ZBTB41: variants seen among roughly 807,000 people sequenced by gnomAD.
ZBTB41 encodes zinc finger and BTB domain-containing protein 41.
Under a neutral mutation model 87.6 loss-of-function variants are expected in ZBTB41, and 42 were observed. The observed-to-expected ratio is 0.48, with a 90% CI of 0.37 to 0.62. The LOEUF is 0.62. ZBTB41 is among the 20% of genes least tolerant of loss of function. The pLI is 0.00. For synonymous variants in ZBTB41, 364 were observed against 364.0 expected (o/e 1.00, Z 0.00); for missense variants, 799 against 1,078.9 (o/e 0.74, Z 3.63).
At chr1:197,163,447 T>C (rs765091638) in intron 10 of ZBTB41, among the ~76,000 whole-genome samples, 4 of 151,642 alleles carry the variant, frequency 2.6e-5, no homozygotes, top group Non-Finnish European at 5.9e-5. Flanking sequence ...TTGGAATCTA[T>C]GGGAAAAAAA....
At chr1:197,198,335 C>T (rs12402465) in intron 2 of ZBTB41, among the ~76,000 whole-genome samples, 25,170 of 152,016 alleles carry the variant, frequency 0.17, 2,734 homozygotes, top group Non-Finnish European at 0.24. Flanking sequence ...GTTATGTCAG[C>T]GTATAATGCA....
In ZBTB41 at chr1:197,159,245, G is replaced by T. The variant is rs1659139500; in HGVS notation, c.*114C>A. On this transcript the variant is annotated 3_prime_UTR_variant, in exon 11 of 11. Coordinates refer to ENST00000367405, the MANE Select transcript of ZBTB41 (RefSeq NM_194314.3). ...AGTTTTCTTGATTTGAAACTGTTCTGAGGACTTGAGAAACTAGAGAAAACA... is the reference window on the plus strand; with the variant it reads ...AGTTTTCTTGATTTGAAACTGTTCTTAGGACTTGAGAAACTAGAGAAAACA... The T allele has an allele frequency of 2.0e-6, 2 of 1,012,668 alleles. No homozygotes were observed. Among genetic ancestry groups the T allele is most frequent in the African/African-American group, 1.6e-5 (1 of 61,854 alleles). The allele number at this position is 1,012,668 out of a possible 1,614,324, so 62.7% of individuals were successfully genotyped here.
In ZBTB41 at chr1:197,200,502, C is replaced by A. The variant is rs1652721748; in HGVS notation, c.-29G>T. Reference sequence around the variant, plus strand: ...AGTACAGCAATTTCAGAACAAGAAACTTCATAAGTGTCTTAAGTGATTTAT... The same window carrying A: ...AGTACAGCAATTTCAGAACAAGAAAATTCATAAGTGTCTTAAGTGATTTAT... On this transcript the variant is annotated 5_prime_UTR_variant, in exon 2 of 11. Transcript: ENST00000367405. The A allele has an allele frequency of 6.5e-7, 1 of 1,538,552 alleles. No homozygotes were observed. The highest frequency in any genetic ancestry group is 8.7e-7 in the Non-Finnish European group (1 of 1,149,810).
At chr1:197,190,465 A>G (rs573648961) in intron 4 of ZBTB41, among the ~76,000 whole-genome samples, 9 of 152,346 alleles carry the variant, frequency 5.9e-5, no homozygotes, top group African/African-American at 2.2e-4. Flanking sequence ...AGAAAGTCTA[A>G]CATTTTATAC....
At chr1:197,183,908 CAGTT>C (rs1268212042) in intron 5 of ZBTB41, among the ~76,000 whole-genome samples, 2 of 152,150 alleles carry the variant, frequency 1.3e-5, no homozygotes. Context: ...CCAGCTCTAA[CAGTT>C]AGTAAGGTAA....
intron 2 of ZBTB41, among the ~76,000 whole-genome samples, chr1:197,196,628 C>A (rs1214782934): frequency 6.6e-6 from 1 of 152,184 alleles, no homozygotes; most frequent in African/African-American, 2.4e-5. Flanking sequence ...GTCCCTATCA[C>A]CTACTGAATA....
In ZBTB41 at chr1:197,153,817, A is replaced by G. The variant is rs1271817503; in HGVS notation, c.*5542T>C. ...GACATTTATACTTAGGAAACATCAG[A>G]CAACCAAAGTATGTATAAAACTCAC... On this transcript the variant is annotated 3_prime_UTR_variant, in exon 11 of 11. Transcript: ENST00000367405. 6.6e-6 allele frequency: 1 copy of G among 152,208 alleles called. No homozygotes were observed. The highest frequency in any genetic ancestry group is 1.5e-5 in the Non-Finnish European group (1 of 68,014). The allele number at this position is 152,208 out of a possible 1,614,324, so 9.4% of individuals were successfully genotyped here. A position where few individuals can be genotyped will look rare whatever the true frequency, so the allele number is the denominator to read the frequency against.
At position 197,154,532 on chromosome 1, in the gene ZBTB41, C is replaced by T. The variant is rs184013512; in HGVS notation, c.*4827G>A. 1 of 152,200 alleles carries T rather than the reference C, an allele frequency of 6.6e-6. No individual in the cohort carries two copies. The highest frequency in any genetic ancestry group is 1.9e-4 in the East Asian group (1 of 5,182). The allele number at this position is 152,200 out of a possible 1,614,324, so 9.4% of individuals were successfully genotyped here. On this transcript the variant is annotated 3_prime_UTR_variant, in exon 11 of 11. Coordinates refer to ENST00000367405, the MANE Select transcript of ZBTB41 (RefSeq NM_194314.3). ...CTCTCTACAAAAACCTTCTTTTTCT[C>T]ATCTTCCACACATCTTAATCCTATT... is the stretch of plus-strand genomic sequence containing the variant.
intron 10 of ZBTB41, among the ~76,000 whole-genome samples, chr1:197,170,880 T>TC (rs1436088292): frequency 6.6e-6 from 1 of 152,144 alleles, no homozygotes; most frequent in African/African-American, 2.4e-5. Flanking sequence ...CTATTATTTT[T>TC]CCCTCTCATT....
chr1:197,187,430 C>T (rs1191302665), intron 5 of ZBTB41, among the ~76,000 whole-genome samples: 5 of 152,112 alleles, frequency 3.3e-5, no homozygotes, highest in East Asian at 1.9e-4. Context: ...TGCTCCAGTC[C>T]GTTATCTAAA....
intron 10 of ZBTB41, among the ~76,000 whole-genome samples, chr1:197,164,348 CAA>C (rs1659266127): frequency 1.3e-5 from 2 of 151,522 alleles, no homozygotes; most frequent in Admixed American, 6.6e-5. Flanking sequence ...AAAGTGAAGA[CAA>C]GAGAAAAAAG....
intron 2 of ZBTB41, among the ~76,000 whole-genome samples, chr1:197,193,701 C>T (rs1193841853): frequency 6.6e-6 from 1 of 152,180 alleles, no homozygotes; most frequent in African/African-American, 2.4e-5. Flanking sequence ...ATCCTACCAC[C>T]ACCACCTCCC....
Position 197,199,426 on chromosome 1 carries a change from G to C in ZBTB41, c.1048C>G (p.Pro350Ala), listed in dbSNP as rs199584754. The C allele has an allele frequency of 6.2e-7, 1 of 1,610,148 alleles. No homozygotes were observed. Among genetic ancestry groups the C allele is most frequent in the African/African-American group, 1.3e-5 (1 of 74,624 alleles). ...SVGNVHEGLT[P>A]VVIQNSNKKI... ...TTGTTGCTGTTCTGAATGACCACTG[G>C]AGTTAACCCCTCATGAACATTTCCT... Residue 350 changes from proline (P) to alanine (A), a missense_variant, in exon 2 of 11, where the codon CCA (proline) becomes GCA (alanine). Pro to Ala is a conservative substitution (Grantham distance 27). Coordinates refer to ENST00000367405, the MANE Select transcript of ZBTB41 (RefSeq NM_194314.3).
At position 197,157,506 on chromosome 1, in the gene ZBTB41, T is replaced by A. The variant is rs1382961390; in HGVS notation, c.*1853A>T. On this transcript the variant is annotated 3_prime_UTR_variant, in exon 11 of 11. Transcript: ENST00000367405. ...ATTTTTAAAAGTCAATTTGAAAGAC[T>A]AACAGACTAACAGTACCTCATATAG... 1 of 151,964 alleles carries A rather than the reference T, an allele frequency of 6.6e-6. No individual in the cohort carries two copies. The allele number at this position is 151,964 out of a possible 1,614,324, so 9.4% of individuals were successfully genotyped here. A position where few individuals can be genotyped will look rare whatever the true frequency, so the allele number is the denominator to read the frequency against.
intron 10 of ZBTB41, among the ~76,000 whole-genome samples, chr1:197,171,747 A>C (rs1173249099): frequency 6.6e-6 from 1 of 151,998 alleles, no homozygotes; most frequent in Non-Finnish European, 1.5e-5. Flanking sequence ...CAAACAAGAC[A>C]ATGAGGTCAT....
intron 6 of ZBTB41, among the ~76,000 whole-genome samples, chr1:197,178,799 C>T (rs1333649816): frequency 1.3e-5 from 2 of 152,088 alleles, no homozygotes; most frequent in Non-Finnish European, 2.9e-5. Context: ...TTTTAAAATG[C>T]TCATTATGAC....
chr1:197,178,600 G>T, intron 6 of ZBTB41, 88 bp from the exon 7 acceptor site: 1 of 838,072 alleles, frequency 1.2e-6, no homozygotes. Flanking sequence ...AGGTATTCAA[G>T]CTAACTGATA....
At chr1:197,165,354 A>G (rs552701541) in intron 10 of ZBTB41, among the ~76,000 whole-genome samples, 2 of 152,252 alleles carry the variant, frequency 1.3e-5, no homozygotes, top group African/African-American at 4.8e-5. Flanking sequence ...TCATGCCTGT[A>G]ATGCCAGCAC....
At chr1:197,186,671 G>C (rs998313680) in intron 5 of ZBTB41, among the ~76,000 whole-genome samples, 1 of 152,138 alleles carries the variant, frequency 6.6e-6, no homozygotes, top group African/African-American at 2.4e-5. Context: ...AGACCAGCCT[G>C]AGTAACCTGG....
Sources: allele counts gnomAD v4.1 joint callset (sites outside exome capture counted in the v4.1 genomes callset), GRCh38; gene constraint gnomAD v4.1.1; transcripts MANE v1.5; gene names NCBI Gene and HGNC (gene_info 2026-07-23, HGNC 2026-07-21).